Variants in GPC6 observed in about 807,000 individuals in gnomAD.
GPC6 encodes the protein glypican 6, also known as glypican-6.
A neutral mutation model predicts 55.2 loss-of-function variants in GPC6; 14 were observed. That is an observed-to-expected ratio of 0.25 (90% CI 0.17 to 0.40). GPC6 has a LOEUF of 0.40. Ranked by LOEUF, GPC6 falls within the 10% of genes least tolerant of loss-of-function variation. The pLI is 1.00. For synonymous variants in GPC6, 278 were observed against 259.6 expected, an observed-to-expected ratio of 1.07 and a Z score of -0.68; for missense variants, 641 against 708.5, an observed-to-expected ratio of 0.90 and a Z score of 1.08.
At chr13:94,299,553 C>T (rs1875529961) in intron 5 of GPC6, among the ~76,000 whole-genome samples, 1 of 152,178 alleles carries the variant, frequency 6.6e-6, no homozygotes, top group Non-Finnish European at 1.5e-5. Flanking sequence ...TTAGTAGTGC[C>T]CCTGCAGAAG....
intron 2 of GPC6, among the ~76,000 whole-genome samples, chr13:93,718,397 A>G (rs545131076): frequency 6.6e-6 from 1 of 152,132 alleles, no homozygotes; most frequent in African/African-American, 2.4e-5. Context: ...GGGTGCCTAA[A>G]TGTCTTCTTT....
intron 1 of GPC6, among the ~76,000 whole-genome samples, chr13:93,463,584 T>G (rs923572564): frequency 6.6e-6 from 1 of 152,146 alleles, no homozygotes; most frequent in Non-Finnish European, 1.5e-5. Context: ...ATTGTAGGTA[T>G]CTCATTAGTA....
At chr13:94,258,748 G>A (rs1891573376) in intron 4 of GPC6, among the ~76,000 whole-genome samples, 1 of 152,128 alleles carries the variant, frequency 6.6e-6, no homozygotes, top group Admixed American at 6.6e-5. Flanking sequence ...AATAATTTCG[G>A]TAGAGTAAAC....
intron 3 of GPC6, among the ~76,000 whole-genome samples, chr13:93,993,794 C>T (rs1881418506): frequency 6.6e-6 from 1 of 152,104 alleles, no homozygotes; most frequent in African/African-American, 2.4e-5. Flanking sequence ...TCCAATTTAG[C>T]CATTACATGA....
At chr13:93,851,296 T>G (rs1888386739) in intron 3 of GPC6, among the ~76,000 whole-genome samples, 1 of 151,960 alleles carries the variant, frequency 6.6e-6, no homozygotes, top group South Asian at 2.1e-4. Context: ...GCACTCATGA[T>G]CTATTTGGTG....
intron 4 of GPC6, among the ~76,000 whole-genome samples, chr13:94,091,021 T>G (rs1485844567): frequency 6.6e-6 from 1 of 152,192 alleles, no homozygotes; most frequent in Non-Finnish European, 1.5e-5. Context: ...AGTCACAAAA[T>G]GTCAGTCAAT....
intron 1 of GPC6, among the ~76,000 whole-genome samples, chr13:93,281,997 T>G (rs1265152352): frequency 1.3e-5 from 2 of 152,200 alleles, no homozygotes; most frequent in Admixed American, 1.3e-4. Flanking sequence ...AAGGACCAAT[T>G]TAGCCTCTCA....
chr13:94,128,885 C>T (rs1886915125), intron 4 of GPC6, among the ~76,000 whole-genome samples: 1 of 152,080 alleles, frequency 6.6e-6, no homozygotes, highest in Non-Finnish European at 1.5e-5. Context: ...TTTTAGATCC[C>T]ATTCTTCCTC....
At chr13:93,295,309 A>C (rs1281765994) in intron 1 of GPC6, among the ~76,000 whole-genome samples, 2 of 149,278 alleles carry the variant, frequency 1.3e-5, no homozygotes, top group South Asian at 4.2e-4. Flanking sequence ...AAAAAAAAAA[A>C]AAAAGAGAAA....
At chr13:93,382,938 C>T (rs7328357) in intron 1 of GPC6, among the ~76,000 whole-genome samples, 2,164 of 152,238 alleles carry the variant, frequency 0.014, 59 homozygotes, top group African/African-American at 0.048. Context: ...TGCCCCCACC[C>T]ATCCTTTCCC....
intron 6 of GPC6, among the ~76,000 whole-genome samples, chr13:94,327,990 G>GA (rs1185373905): frequency 2.0e-5 from 3 of 152,086 alleles, no homozygotes; most frequent in Non-Finnish European, 4.4e-5. Context: ...TTTGTTGGGA[G>GA]AAAAAATAGG....
chr13:93,293,906 T>A (rs1490363315), intron 1 of GPC6, among the ~76,000 whole-genome samples: 1 of 152,138 alleles, frequency 6.6e-6, no homozygotes. Context: ...TTTATACAGC[T>A]GTGTTTGACC....
intron 1 of GPC6, among the ~76,000 whole-genome samples, chr13:93,476,079 A>G (rs1030515106): frequency 6.6e-6 from 1 of 152,016 alleles, no homozygotes; most frequent in African/African-American, 2.4e-5. Flanking sequence ...TGGTCTCCCT[A>G]TATTTTATGG....
At chr13:94,128,920 C>T (rs966447788) in intron 4 of GPC6, among the ~76,000 whole-genome samples, 3 of 152,100 alleles carry the variant, frequency 2.0e-5, no homozygotes, top group African/African-American at 7.2e-5. Context: ...TCCACACCCA[C>T]GTTACTCAAA....
chr13:93,613,973 G>A (rs991177535), intron 2 of GPC6, among the ~76,000 whole-genome samples: 4 of 152,138 alleles, frequency 2.6e-5, no homozygotes, highest in African/African-American at 9.7e-5. Flanking sequence ...CAATTGGTGG[G>A]CAATTGACTA....
chr13:93,346,498 A>C (rs1009320206), intron 1 of GPC6, among the ~76,000 whole-genome samples: 1 of 152,138 alleles, frequency 6.6e-6, no homozygotes, highest in African/African-American at 2.4e-5. Context: ...AAGTGTCTGC[A>C]AGACCATGGG....
At chr13:94,163,190 AT>A (rs1253206290) in intron 4 of GPC6, among the ~76,000 whole-genome samples, 1 of 152,014 alleles carries the variant, frequency 6.6e-6, no homozygotes, top group Non-Finnish European at 1.5e-5. Flanking sequence ...TTTTTTGTTA[AT>A]TTTTATTATG....
intron 1 of GPC6, among the ~76,000 whole-genome samples, chr13:93,434,783 T>A (rs565116422): frequency 6.6e-6 from 1 of 152,168 alleles, no homozygotes; most frequent in Non-Finnish European, 1.5e-5. Context: ...CTCAGCTCAC[T>A]GCAATCCCCA....
chr13:93,729,413 T>G (rs1181247714), intron 2 of GPC6, among the ~76,000 whole-genome samples: 1 of 152,108 alleles, frequency 6.6e-6, no homozygotes, highest in Non-Finnish European at 1.5e-5. Context: ...AGCTCAAATA[T>G]CCAAACAGCA....
Sources: allele counts gnomAD v4.1 joint callset (sites outside exome capture counted in the v4.1 genomes callset), GRCh38; gene constraint gnomAD v4.1.1; transcripts MANE v1.5; gene names NCBI Gene and HGNC (gene_info 2026-07-23, HGNC 2026-07-21).